PPFIA2: variants seen among roughly 807,000 people sequenced by gnomAD.
PPFIA2 encodes the protein PPFI scaffold protein A2, also known as liprin-alpha-2.
A neutral mutation model predicts 175.5 loss-of-function variants in PPFIA2; 46 were observed. The ratio of observed to expected loss-of-function variants is 0.26; its 90% CI spans 0.21 to 0.34. PPFIA2 has a LOEUF of 0.34. Among genes scored for constraint, PPFIA2 ranks in the 10% least tolerant of loss-of-function variants. The pLI, the probability that PPFIA2 is intolerant of heterozygous loss-of-function variation, is 1.00. For missense variants in PPFIA2, 1,179 were observed against 1,506.1 expected, an observed-to-expected ratio of 0.78 and a Z score of 3.60; for synonymous variants, 568 against 511.4, an observed-to-expected ratio of 1.11 and a Z score of -1.49.
intron 4 of PPFIA2, among the ~76,000 whole-genome samples, chr12:81,570,104 C>T (rs138627963): frequency 0.016 from 2,467 of 152,244 alleles, 29 homozygotes; most frequent in Middle Eastern, 0.058. Flanking sequence ...AACCTATGCT[C>T]ATTACTACTT....
At chr12:81,474,516 C>T (rs1441024614) in intron 4 of PPFIA2, among the ~76,000 whole-genome samples, 1 of 151,930 alleles carries the variant, frequency 6.6e-6, no homozygotes, top group Non-Finnish European at 1.5e-5. Flanking sequence ...GGTCTTGAAC[C>T]CCTGACCTCA....
chr12:81,579,695 A>G (rs2153425917), intron 4 of PPFIA2, among the ~76,000 whole-genome samples: 1 of 151,964 alleles, frequency 6.6e-6, no homozygotes, highest in Admixed American at 6.6e-5. Flanking sequence ...TTTCTAAAAT[A>G]TAATTATTTA....
chr12:81,327,622 A>C (rs1343654028), intron 21 of PPFIA2, among the ~76,000 whole-genome samples: 3 of 152,174 alleles, frequency 2.0e-5, no homozygotes, highest in Non-Finnish European at 4.4e-5. Flanking sequence ...AGACATATTC[A>C]ATAAACAAGG....
intron 21 of PPFIA2, among the ~76,000 whole-genome samples, chr12:81,333,026 T>C (rs2056440743): frequency 6.6e-6 from 1 of 152,206 alleles, no homozygotes; most frequent in Non-Finnish European, 1.5e-5. Context: ...TAGAGATTCA[T>C]AGATTCAGTA....
chr12:81,584,261 A>T (rs1352901146), intron 4 of PPFIA2, among the ~76,000 whole-genome samples: 1 of 151,964 alleles, frequency 6.6e-6, no homozygotes, highest in South Asian at 2.1e-4. Context: ...GTTAAAACAA[A>T]TAATGTAGTC....
chr12:81,694,173 G>A (rs1216860609), intron 3 of PPFIA2, among the ~76,000 whole-genome samples: 1 of 152,132 alleles, frequency 6.6e-6, no homozygotes, highest in Non-Finnish European at 1.5e-5. Flanking sequence ...GGAGGCTGAA[G>A]AGCAACCACT....
intron 26 of PPFIA2, among the ~76,000 whole-genome samples, chr12:81,282,407 T>C (rs1445297524): frequency 1.3e-5 from 2 of 152,148 alleles, no homozygotes; most frequent in Admixed American, 6.5e-5. Context: ...TTTTTTCTTA[T>C]ATTGAAAGGT....
At chr12:81,384,774 G>C (rs1027410232) in intron 8 of PPFIA2, among the ~76,000 whole-genome samples, 1 of 151,970 alleles carries the variant, frequency 6.6e-6, no homozygotes, top group African/African-American at 2.4e-5. Flanking sequence ...ATCTGACCTA[G>C]CTGGAACAAA....
At chr12:81,678,761 A>G (rs138971714) in intron 3 of PPFIA2, among the ~76,000 whole-genome samples, 49 of 152,020 alleles carry the variant, frequency 3.2e-4, no homozygotes, top group African/African-American at 1.1e-3. Context: ...TGATTGTATC[A>G]TTTGAGGAAT....
chr12:81,331,002 CTT>C (rs1443425548), intron 21 of PPFIA2, among the ~76,000 whole-genome samples: 1 of 152,150 alleles, frequency 6.6e-6, no homozygotes, highest in East Asian at 1.9e-4. Context: ...CTAATGGACA[CTT>C]TGTGGAATTT....
At chr12:81,659,817 A>T (rs1255479144) in intron 4 of PPFIA2, among the ~76,000 whole-genome samples, 1 of 152,152 alleles carries the variant, frequency 6.6e-6, no homozygotes, top group Non-Finnish European at 1.5e-5. Flanking sequence ...GTACGGGCAG[A>T]CTGACACCTC....
chr12:81,512,032 T>C (rs1211573829), intron 4 of PPFIA2, among the ~76,000 whole-genome samples: 1 of 152,084 alleles, frequency 6.6e-6, no homozygotes, highest in Non-Finnish European at 1.5e-5. Context: ...CACATAGCAC[T>C]AAATAAATCA....
At chr12:81,423,603 A>G (rs1259922593) in intron 7 of PPFIA2, among the ~76,000 whole-genome samples, 1 of 152,186 alleles carries the variant, frequency 6.6e-6, no homozygotes, top group Non-Finnish European at 1.5e-5. Flanking sequence ...CCTCAGCACA[A>G]TAAAGATCAT....
chr12:81,517,411 T>C (rs895434188), intron 4 of PPFIA2, among the ~76,000 whole-genome samples: 1 of 152,150 alleles, frequency 6.6e-6, no homozygotes, highest in Non-Finnish European at 1.5e-5. Flanking sequence ...AAACCCAGCA[T>C]GTCTTCTACA....
chr12:81,286,051 G>C (rs924050278), intron 24 of PPFIA2, among the ~76,000 whole-genome samples: 8 of 151,914 alleles, frequency 5.3e-5, no homozygotes, highest in Non-Finnish European at 1.0e-4. Flanking sequence ...TGATTTTTGT[G>C]TTTGTGTCTT....
At chr12:81,368,523 AT>A (rs2034201072) in intron 13 of PPFIA2, among the ~76,000 whole-genome samples, 1 of 151,812 alleles carries the variant, frequency 6.6e-6, no homozygotes, top group South Asian at 2.1e-4. Context: ...AGATTTATAT[AT>A]CATGCAAATT....
At chr12:81,376,985 T>C (rs147093029) in intron 9 of PPFIA2, among the ~76,000 whole-genome samples, 3 of 151,928 alleles carry the variant, frequency 2.0e-5, no homozygotes, top group Non-Finnish European at 4.4e-5. Context: ...ATAACTCTAA[T>C]GAAAAGATAG....
chr12:81,672,650 T>G (rs1216404205), intron 4 of PPFIA2, among the ~76,000 whole-genome samples: 1 of 151,998 alleles, frequency 6.6e-6, no homozygotes, highest in African/African-American at 2.4e-5. Flanking sequence ...AAGTATTAAG[T>G]TCTATAGGGA....
intron 11 of PPFIA2, among the ~76,000 whole-genome samples, chr12:81,370,215 A>G (rs1210757710): frequency 6.6e-6 from 1 of 151,850 alleles, no homozygotes; most frequent in African/African-American, 2.4e-5. Context: ...CTCTGTAGAA[A>G]AAAAGATAAA....
Sources: gnomAD v4.1 joint callset for allele counts (sites outside exome capture counted in the v4.1 genomes callset) on GRCh38, gnomAD v4.1.1 for gene constraint, MANE v1.5 for transcripts, NCBI Gene and HGNC (gene_info 2026-07-23, HGNC 2026-07-21) for gene names.